Variants in TTN observed in about 807,000 individuals in gnomAD.
TTN encodes connectin.
Under a neutral mutation model 3,223.0 loss-of-function variants are expected in TTN, and 1,525 were observed. That is an observed-to-expected ratio of 0.47 (90% confidence interval 0.45 to 0.49). The LOEUF (loss-of-function observed/expected upper bound fraction) is 0.49. Among genes scored for constraint, TTN ranks in the 20% least tolerant of loss-of-function variants. The pLI, the probability that TTN is intolerant of heterozygous loss-of-function variation, is 0.00. For synonymous variants in TTN, 14,094 were observed against 15,161.0 expected (o/e 0.93, Z 5.17); for missense variants, 40,786 against 43,424.0 (o/e 0.94, Z 5.40).
intron 111 of TTN, 136 bp from the exon 112 acceptor site, chr2:178,699,050 C>T (rs2074273807): frequency 1.1e-6 from 1 of 942,848 alleles, no homozygotes; most frequent in African/African-American, 1.7e-5. Flanking sequence ...CTGCATATTA[C>T]TACAAGATAT....
At position 178,678,208 on chromosome 2, in the gene TTN, A is replaced by G; in HGVS notation, c.33911T>C (p.Val11304Ala). 6.2e-7 allele frequency: 1 copy of G among 1,603,056 alleles called. No individual in the cohort carries two copies. Among genetic ancestry groups the G allele is most frequent in the Non-Finnish European group, 8.5e-7 (1 of 1,176,478 alleles). ...PKKVEAPPAK[V>A]PEVPKKLIPE... The stretch of plus-strand genomic sequence containing the variant: ...GATGAGCTTCTTGGGCACCTCTGGC[A>G]CTTTAAAGATATTATTTATATTTAG... Residue 11304 changes from valine to alanine, a missense_variant and splice_region_variant, in exon 145 of 363, where the codon GTG becomes GCG. Val to Ala is a moderately conservative substitution (Grantham distance 64). Transcript: ENST00000589042.
At position 178,684,082 on chromosome 2, in the gene TTN, A is replaced by G; in HGVS notation, c.32723T>C (p.Val10908Ala). 6.2e-7 allele frequency: 1 copy of G among 1,611,932 alleles called. No homozygotes were observed. Among genetic ancestry groups the G allele is most frequent in the Non-Finnish European group, 8.5e-7 (1 of 1,179,084 alleles). ...GACAGCTCTCTTCGGTTCCTCTGGCACTTTAAAGAGAGATTTCACTTTAAA... is the reference window on the plus strand; with the variant it reads ...GACAGCTCTCTTCGGTTCCTCTGGCGCTTTAAAGAGAGATTTCACTTTAAA... The part of the protein sequence containing the change: ...TKKEAPPKAR[V>A]PEEPKRAVPE... The change falls in exon 133 of 363, where the codon GTG becomes GCG. Residue 10908 changes from valine (V) to alanine (A), a missense_variant and splice_region_variant. Coordinates refer to ENST00000589042, the MANE Select transcript of TTN (RefSeq NM_001267550.2).
chr2:178,572,833 G>A lies in TTN; in HGVS notation c.73299C>T (p.Asp24433=). Residue 24433 remains aspartate (D), a synonymous_variant, in exon 326 of 363, where the codon GAC becomes GAT. Coordinates refer to ENST00000589042, the MANE Select transcript of TTN (RefSeq NM_001267550.2). The part of the protein sequence containing the change: ...MLPPEIELDA[D]LRKVVTIRAC... ...CCCTTATAGTAACAACTTTGCGCAGGTCAGCATCCAGTTCAATTTCTGGAG... is the reference window on the plus strand; with the variant it reads ...CCCTTATAGTAACAACTTTGCGCAGATCAGCATCCAGTTCAATTTCTGGAG... 6.2e-7 allele frequency: 1 copy of A among 1,613,374 alleles called. No homozygotes were observed. The highest frequency in any genetic ancestry group is 1.1e-5 in the South Asian group (1 of 91,060).
At position 178,698,921 on chromosome 2, in the gene TTN, AAAAAAAAAAAG is replaced by A; in HGVS notation, c.30683-18_30683-8del. On this transcript the variant is annotated splice_polypyrimidine_tract_variant and splice_region_variant and intron_variant, in intron 111 of 362. Transcript: ENST00000589042. ...TTCACAGCCTTTTTGGTAACTAAAA[AAAAAAAAAAAG>A]AAAAAAAAAGAAAAAATATTTCTGG... is the stretch of plus-strand genomic sequence containing the variant. 16 of 1,498,986 alleles carry A rather than the reference AAAAAAAAAAAG, an allele frequency of 1.1e-5. No homozygotes were observed. The East Asian group carries it at 4.0e-4, about 37-fold the overall frequency. The allele number at this position is 1,498,986 out of a possible 1,614,324, so 92.9% of individuals were successfully genotyped here.
At position 178,795,101 on chromosome 2, in the gene TTN, C is replaced by G. The variant is rs144531477; in HGVS notation, c.1066G>C (p.Glu356Gln). ...KQEGYVASSS[E>Q]AEMRETTLTT... ...AGCGTTGTCTCTCTCATCTCAGCCT[C>G]AGATGAGGAGGCCACGTAGCCCTCT... Residue 356 changes from glutamate to glutamine, a missense_variant, in exon 7 of 363, where the codon GAG becomes CAG. Glu to Gln is a conservative substitution (Grantham distance 29). Transcript: ENST00000589042. 1.4e-4 allele frequency: 219 copies of G among 1,613,992 alleles called. No homozygotes were observed. The highest frequency in any genetic ancestry group is 6.3e-4 in the Admixed American group (38 of 60,008).
chr2:178,702,776 CA>C, intron 106 of TTN, 113 bp from the exon 107 acceptor site: 1 of 1,150,090 alleles, frequency 8.7e-7, no homozygotes, highest in Non-Finnish European at 1.2e-6. Context: ...TATAAAATAG[CA>C]AGAAAAGTTC....
rs765852370 is a variant in TTN at position 178,684,411 on chromosome 2, T to C, written c.32641A>G (p.Thr10881Ala). 10 of 1,613,324 alleles carry C rather than the reference T, an allele frequency of 6.2e-6. No individual in the cohort carries two copies. The highest frequency in any genetic ancestry group is 3.3e-5 in the Admixed American group (2 of 59,948). Reference sequence around the variant, plus strand: ...TGGGTAATTTGCATGTGCCTCTCAGTCACTTAAAAGATAATTTTAGGATTA... The same window carrying C: ...TGGGTAATTTGCATGTGCCTCTCAGCCACTTAAAAGATAATTTTAGGATTA... The part of the protein sequence containing the change: ...KMEEPLPAKV[T>A]ERHMQITQEE... Residue 10881 changes from threonine (T) to alanine (A), a missense_variant and splice_region_variant, in exon 132 of 363, where the codon ACT (threonine) becomes GCT (alanine). Physicochemically the swap from Thr to Ala is moderately conservative, Grantham distance 58 (BLOSUM62 0). Coordinates refer to ENST00000589042, the MANE Select transcript of TTN (RefSeq NM_001267550.2).
At chr2:178,620,671 C>T (rs755092970) in intron 247 of TTN, 44 bp downstream of exon 247, 3 of 1,604,456 alleles carry the variant, frequency 1.9e-6, no homozygotes, top group East Asian at 4.5e-5. Flanking sequence ...ATTTTTATAA[C>T]AGAAACTGAT....
In TTN at chr2:178,533,185, A is replaced by G. The variant is rs751914956; in HGVS notation, c.103430T>C (p.Ile34477Thr). The G allele has an allele frequency of 1.3e-4, 213 of 1,613,718 alleles. 2 individuals are homozygous for G. In the East Asian group the frequency reaches 4.3e-3, roughly 32 times the overall value. ...TTCAGCCATTCTGAGGGTTTTGTCA[A>G]TTTGTTTTTGTACGTGTCGCTCATG... ...EEHERHVQKQ[I>T]DKTLRMAEIL... The change falls in exon 358 of 363, where the codon ATT becomes ACT. Residue 34477 changes from isoleucine (I) to threonine (T), a missense_variant. Physicochemically the swap from Ile to Thr is moderately conservative, Grantham distance 89. Transcript: ENST00000589042.
rs973643746 is a variant in TTN at position 178,677,879 on chromosome 2, G to A, written c.34033C>T (p.Leu11345=). The change falls in exon 146 of 363, where the codon CTA becomes TTA. Residue 11345 remains leucine, a synonymous_variant. Coordinates refer to ENST00000589042, the MANE Select transcript of TTN (RefSeq NM_001267550.2). The stretch of plus-strand genomic sequence containing the variant: ...AATAGAACTTCCTCTTCCTGAGGTA[G>A]AGCTACAGGAACTGGAACTGGTTCA... ...KREPVPVPVA[L]PQEEEVLFEE... The A allele has an allele frequency of 1.2e-6, 2 of 1,610,294 alleles. No individual in the cohort carries two copies. Among genetic ancestry groups the A allele is most frequent in the Non-Finnish European group, 1.7e-6 (2 of 1,178,486 alleles).
At chr2:178,684,245 A>ACAG in intron 132 of TTN, 85 bp downstream of exon 132, 1 of 1,471,414 alleles carries the variant, frequency 6.8e-7, no homozygotes, top group South Asian at 1.2e-5. Context: ...AACAACAACA[A>ACAG]CAAAAACCAG....
Position 178,572,081 on chromosome 2 carries a change from T to C in TTN, c.74051A>G (p.Glu24684Gly), listed in dbSNP as rs767059836. 6.2e-7 allele frequency: 1 copy of C among 1,613,272 alleles called. No homozygotes were observed. Among genetic ancestry groups the C allele is most frequent in the Non-Finnish European group, 8.5e-7 (1 of 1,179,564 alleles). The stretch of plus-strand genomic sequence containing the variant: ...CTGAGCTGAAACACGGAAAGAGTAT[T>C]CTTCACCCTGAATTAATCCAGTGAT... ...ATITGLIQGE[E>G]YSFRVSAQNE... is the part of the protein sequence containing the mutation. Residue 24684 changes from glutamate to glycine, a missense_variant, in exon 326 of 363, where the codon GAA becomes GGA. Physicochemically the swap from Glu to Gly is moderately conservative, Grantham distance 98 (BLOSUM62 -2). Transcript: ENST00000589042.
Position 178,611,394 on chromosome 2 carries a change from A to G in TTN, c.50835T>C (p.Asn16945=), listed in dbSNP as rs750172128. The G allele has an allele frequency of 1.2e-6, 2 of 1,612,684 alleles. No homozygotes were observed. Among genetic ancestry groups the G allele is most frequent in the East Asian group, 4.5e-5 (2 of 44,642 alleles). ...TACAGTCTGGGTCTTTGGCAACCAC[A>G]TTTTCAGAGATTTCAGATGGCTCGC... ...GVSEPSEISE[N]VVAKDPDCKP... is the part of the protein sequence containing the mutation. The change falls in exon 269 of 363, where the codon AAT becomes AAC. Residue 16945 remains asparagine (N), a synonymous_variant. Transcript: ENST00000589042.
chr2:178,675,891 A>G (rs771346163), intron 148 of TTN, 30 bp downstream of exon 148: 1 of 1,593,638 alleles, frequency 6.3e-7, no homozygotes, highest in Non-Finnish European at 8.6e-7. Flanking sequence ...AGGAAATGGC[A>G]TAGTCTAATT....
chr2:178,790,812 T>C lies in TTN; in HGVS notation c.1696A>G (p.Met566Val), dbSNP rs987302368. The change falls in exon 11 of 363, where the codon ATG becomes GTG. Residue 566 changes from methionine (M) to valine (V), a missense_variant. By Grantham distance (21) the Met-to-Val change is conservative. Coordinates refer to ENST00000589042, the MANE Select transcript of TTN (RefSeq NM_001267550.2). ...GACTTTGCAGTGGCAACTACCACCA[T>C]GGATGCAGCAGTTATCTCAGTTTCC... ...RQETEITAAS[M>V]VVVATAKSTK... 15 of 1,614,152 alleles carry C rather than the reference T, an allele frequency of 9.3e-6. No homozygotes were observed. The highest frequency in any genetic ancestry group is 1.3e-5 in the Non-Finnish European group (15 of 1,179,986).
At chr2:178,716,436 A>G (rs2077491038) in intron 88 of TTN, among the ~76,000 whole-genome samples, 1 of 152,192 alleles carries the variant, frequency 6.6e-6, no homozygotes, top group Non-Finnish European at 1.5e-5. Context: ...TTTAATTTCA[A>G]GATATTTATA....
intron 238 of TTN, 70 bp from the exon 239 acceptor site, chr2:178,630,437 TATCTTAATTAAAGGAA>T (rs2059664490): frequency 6.7e-7 from 1 of 1,489,586 alleles, no homozygotes; most frequent in Non-Finnish European, 9.0e-7. Flanking sequence ...AAGGATAGAT[TATCTTAATTAAAGGAA>T]TGCAACAAAT....
At position 178,605,591 on chromosome 2, in the gene TTN, G is replaced by A. The variant is rs748647255; in HGVS notation, c.53704C>T (p.Arg17902Trp). Reference sequence around the variant, plus strand: ...TCAAAGTCAGGTTTGTCATGACGCCGTTTTTCAATGATATATCCTTGGATG... The same window carrying A: ...TCAAAGTCAGGTTTGTCATGACGCCATTTTTCAATGATATATCCTTGGATG... ...SPIQGYIIEK[R>W]RHDKPDFERV... The change falls in exon 279 of 363, where the codon CGG becomes TGG. Residue 17902 changes from arginine (R) to tryptophan (W), a missense_variant. Transcript: ENST00000589042. 3.7e-6 allele frequency: 6 copies of A among 1,611,038 alleles called. No individual in the cohort carries two copies. The highest frequency in any genetic ancestry group is 4.5e-5 in the East Asian group (2 of 44,650).
At chr2:178,778,807 T>C in intron 24 of TTN, 67 bp downstream of exon 24, 1 of 1,602,808 alleles carries the variant, frequency 6.2e-7, no homozygotes, top group Non-Finnish European at 8.5e-7. Context: ...ACAATAGCAA[T>C]TTGCTACTAT....
Sources: gnomAD v4.1 joint callset for allele counts (sites outside exome capture counted in the v4.1 genomes callset) on GRCh38, gnomAD v4.1.1 for gene constraint, MANE v1.5 for transcripts, NCBI Gene and HGNC (gene_info 2026-07-23, HGNC 2026-07-21) for gene names.